Variants in RFTN1 observed in about 807,000 individuals in gnomAD.
The protein encoded by RFTN1 is raftlin, lipid raft linker 1.
RFTN1 carries 26 observed loss-of-function variants against 46.5 expected under a neutral mutation model. The ratio of observed to expected loss-of-function variants is 0.56; its 90% confidence interval spans 0.41 to 0.78. RFTN1 has a LOEUF of 0.78. Among genes scored for constraint, RFTN1 ranks in the 30% least tolerant of loss-of-function variants. The probability of loss-of-function intolerance (pLI) is 0.00; values close to 1 mark genes in which losing one functional copy is unlikely to be tolerated. For missense variants in RFTN1, 693 were observed against 718.7 expected, an observed-to-expected ratio of 0.96 and a Z score of 0.41; for synonymous variants, 261 against 284.2, an observed-to-expected ratio of 0.92 and a Z score of 0.82.
Position 16,484,192 on chromosome 3 carries a change from T to G in RFTN1, c.145+9533A>C, listed in dbSNP as rs147316383. 7.5e-3 allele frequency among the ~76,000 whole-genome samples: 1,138 copies of G among 152,334 alleles called. 13 individuals are homozygous for G. The highest frequency in any genetic ancestry group is 9.5e-3 in the Non-Finnish European group (648 of 68,020). ...ATAATGTAAATCATGATCCATTTTT[T>G]TAGATTAGTCTTTTTCCCAGCCGTG... On this transcript the variant is annotated intron_variant, in intron 2 of 9. Transcript: ENST00000334133. This position sits in a 1 kb window ranked among gnomAD's most constrained non-coding sequence, Gnocchi z 4.6.
At position 16,344,417 on chromosome 3, in the gene RFTN1, G is replaced by A. The variant is rs933214253; in HGVS notation, c.1146+13515C>T. Among the ~76,000 whole-genome samples, 4 of 151,898 alleles carry A rather than the reference G, an allele frequency of 2.6e-5. No individual in the cohort carries two copies. Among genetic ancestry groups the A allele is most frequent in the Admixed American group, 6.6e-5 (1 of 15,240 alleles). On this transcript the variant is annotated intron_variant, in intron 7 of 9. Coordinates refer to ENST00000334133, the MANE Select transcript of RFTN1 (RefSeq NM_015150.2). The surrounding 1 kb of genome is among the most constrained non-coding windows in gnomAD (Gnocchi z 4.4). ...CAACATGTAAAAACAGATACATTCA[G>A]AAAAGGCGGCTCTGGTTGACACTGG...
chr3:16,330,475 C>CT (rs980295794), intron 7 of RFTN1, among the ~76,000 whole-genome samples: 1 of 152,180 alleles, frequency 6.6e-6, no homozygotes, highest in African/African-American at 2.4e-5. Flanking sequence ...CTTTGATCTG[C>CT]TTTTTTGTGA....
chr3:16,318,564 C>A (rs569204061), intron 9 of RFTN1, among the ~76,000 whole-genome samples: 2 of 152,138 alleles, frequency 1.3e-5, no homozygotes, highest in African/African-American at 4.8e-5. Context: ...TCTGTTTCCT[C>A]AGATAAAACA....
intron 4 of RFTN1, among the ~76,000 whole-genome samples, chr3:16,394,133 A>G (rs690244): frequency 0.92 from 139,368 of 152,090 alleles, 63,921 homozygotes; most frequent in East Asian, 0.98. Flanking sequence ...TTGGGAGGCC[A>G]GGATGGGAGG....
chr3:16,331,325 G>A (rs2070289601), intron 7 of RFTN1, among the ~76,000 whole-genome samples: 1 of 152,134 alleles, frequency 6.6e-6, no homozygotes, highest in Admixed American at 6.5e-5. Flanking sequence ...TCTACCATGG[G>A]AAATAAAGGT....
Position 16,471,766 on chromosome 3 carries a change from A to C in RFTN1, c.145+21959T>G, listed in dbSNP as rs186352658. ...TCTGTCATGGCACAAGTTTGATCAAAAAATTATGAATTTTAGAAATCAGAA... is the reference window on the plus strand; with the variant it reads ...TCTGTCATGGCACAAGTTTGATCAACAAATTATGAATTTTAGAAATCAGAA... On this transcript the variant is annotated intron_variant, in intron 2 of 9. Transcript: ENST00000334133. Among the ~76,000 whole-genome samples the C allele has an allele frequency of 2.9e-3, 436 of 152,378 alleles. 9 individuals are homozygous for C. The highest frequency in any genetic ancestry group is 1.1e-3 in the Non-Finnish European group (73 of 68,042).
chr3:16,431,595 G>A (rs764374956), intron 3 of RFTN1, among the ~76,000 whole-genome samples: 154 of 152,016 alleles, frequency 1.0e-3, no homozygotes, highest in Non-Finnish European at 1.8e-3. Flanking sequence ...ACTGAAGGAT[G>A]TGCCAGTGAT....
rs73144307 is a variant in RFTN1 at position 16,361,267 on chromosome 3, A to G, written c.1031-3220T>C. Among the ~76,000 whole-genome samples, 1,081 of 152,302 alleles carry G rather than the reference A, an allele frequency of 7.1e-3. 16 individuals carry two copies. The highest frequency in any genetic ancestry group is 0.025 in the African/African-American group (1,030 of 41,558). On this transcript the variant is annotated intron_variant, in intron 6 of 9. Transcript: ENST00000334133. The surrounding 1 kb of genome is among the most constrained non-coding windows in gnomAD (Gnocchi z 4.3). ...TGTTACTGGAGTTCAAGTGCACTGA[A>G]TAACCTTCCAGCCATTCATTATGAC...
At chr3:16,403,791 A>C (rs370891871) in intron 4 of RFTN1, among the ~76,000 whole-genome samples, 7 of 10,772 alleles carry the variant, frequency 6.5e-4, no homozygotes, top group African/African-American at 9.1e-4. Flanking sequence ...TATATATTTT[A>C]TATATAATAT....
chr3:16,506,555 G>A lies in RFTN1; in HGVS notation c.-9+6887C>T, dbSNP rs545084335. ...GATTGACTGATGATTTGGAAAAAGG[G>A]GATGAGCAAAAGAGGGCATCCAAGA... On this transcript the variant is annotated intron_variant, in intron 1 of 9. Coordinates refer to ENST00000334133, the MANE Select transcript of RFTN1 (RefSeq NM_015150.2). The surrounding 1 kb of genome is among the most constrained non-coding windows in gnomAD (Gnocchi z 4.8). Among the ~76,000 whole-genome samples, 31 of 152,158 alleles carry A rather than the reference G, an allele frequency of 2.0e-4. No individual in the cohort carries two copies. Among genetic ancestry groups the A allele is most frequent in the Admixed American group, 7.2e-4 (11 of 15,290 alleles).
Position 16,473,950 on chromosome 3 carries a change from A to G in RFTN1, c.145+19775T>C, listed in dbSNP as rs1360404898. ...GCTGTGCCACATTCCACACTGTTCT[A>G]TCGTGCAGTTGCCCACCCAATATGG... On this transcript the variant is annotated intron_variant, in intron 2 of 9. Coordinates refer to ENST00000334133, the MANE Select transcript of RFTN1 (RefSeq NM_015150.2). The surrounding 1 kb of genome is among the most constrained non-coding windows in gnomAD (Gnocchi z 5.3). Among the ~76,000 whole-genome samples the G allele has an allele frequency of 1.3e-5, 2 of 152,122 alleles. No individual in the cohort carries two copies. The highest frequency in any genetic ancestry group is 6.5e-5 in the Admixed American group (1 of 15,288).
At position 16,334,998 on chromosome 3, in the gene RFTN1, G is replaced by A. The variant is rs2070709496; in HGVS notation, c.1147-8122C>T. 6.6e-6 allele frequency among the ~76,000 whole-genome samples: 1 copy of A among 152,160 alleles called. No homozygotes were observed. Among genetic ancestry groups the A allele is most frequent in the Non-Finnish European group, 1.5e-5 (1 of 68,030 alleles). On this transcript the variant is annotated intron_variant, in intron 7 of 9. Coordinates refer to ENST00000334133, the MANE Select transcript of RFTN1 (RefSeq NM_015150.2). The surrounding 1 kb of genome is among the most constrained non-coding windows in gnomAD (Gnocchi z 4.3). Reference sequence around the variant, plus strand: ...TGGGCAGCTTCCAGAAGCTGGCAATGGTCGGTAACAGATTGTCTCCTAAAA... The same window carrying A: ...TGGGCAGCTTCCAGAAGCTGGCAATAGTCGGTAACAGATTGTCTCCTAAAA...
chr3:16,456,347 T>C (rs9824582), intron 2 of RFTN1, among the ~76,000 whole-genome samples: 28 of 151,980 alleles, frequency 1.8e-4, no homozygotes, highest in African/African-American at 5.6e-4. Flanking sequence ...TGGTAGAAAG[T>C]ATACCCCTCT....
At position 16,504,283 on chromosome 3, in the gene RFTN1, T is replaced by TA. The variant is rs1476109603; in HGVS notation, c.-9+9158dup. On this transcript the variant is annotated intron_variant, in intron 1 of 9. Transcript: ENST00000334133. This position sits in a 1 kb window ranked among gnomAD's most constrained non-coding sequence, Gnocchi z 4.4. ...TCTTTCATTCTTAACTAACCACAAT[T>TA]ACTTGCTAATGGGATGTGTGCATCT... Among the ~76,000 whole-genome samples the TA allele has an allele frequency of 6.6e-6, 1 of 152,190 alleles. No homozygotes were observed. Among genetic ancestry groups the TA allele is most frequent in the Admixed American group, 6.5e-5 (1 of 15,280 alleles).
intron 7 of RFTN1, among the ~76,000 whole-genome samples, chr3:16,343,992 C>T (rs553636484): frequency 6.6e-6 from 1 of 150,682 alleles, no homozygotes; most frequent in East Asian, 2.0e-4. Context: ...AGGGTCTCAG[C>T]AGAGAGTGAG....
chr3:16,333,983 G>A (rs1299837454), intron 7 of RFTN1, among the ~76,000 whole-genome samples: 2 of 152,004 alleles, frequency 1.3e-5, no homozygotes, highest in East Asian at 1.9e-4. Context: ...GGCTAACACG[G>A]TGAAACCCCG....
rs1267722708 is a variant in RFTN1, at chr3:16,463,457, T to G, written c.146-29420A>C. On this transcript the variant is annotated intron_variant, in intron 2 of 9. Coordinates refer to ENST00000334133, the MANE Select transcript of RFTN1 (RefSeq NM_015150.2). Reference sequence around the variant, plus strand: ...TGTCTTCTGCTACATATGATCTCTCTGTTAAAACCCTATCCATTGAGTTCT... The same window carrying G: ...TGTCTTCTGCTACATATGATCTCTCGGTTAAAACCCTATCCATTGAGTTCT... Among the ~76,000 whole-genome samples the G allele has an allele frequency of 2.0e-5, 3 of 152,206 alleles. No homozygotes were observed. The East Asian group carries it at 5.8e-4, about 29-fold the overall frequency.
At chr3:16,318,848 G>C (rs2068724785) in intron 9 of RFTN1, among the ~76,000 whole-genome samples, 1 of 152,176 alleles carries the variant, frequency 6.6e-6, no homozygotes, top group South Asian at 2.1e-4. Context: ...TTAGGAGATG[G>C]GTGGAGCTTC....
At chr3:16,454,735 C>T (rs904423576) in intron 2 of RFTN1, 2 of 984,522 alleles carry the variant, frequency 2.0e-6, no homozygotes, top group East Asian at 2.3e-4. Context: ...AACCTATACA[C>T]CAAGGCCTCC....
Sources: allele counts gnomAD v4.1 joint callset (sites outside exome capture counted in the v4.1 genomes callset), GRCh38; gene constraint gnomAD v4.1.1; non-coding constraint Gnocchi (gnomAD v3.1); transcripts MANE v1.5; gene names NCBI Gene and HGNC (gene_info 2026-07-23, HGNC 2026-07-21).